The following CECR2 variants were observed in gnomAD, a reference collection of about 807,000 sequenced individuals.
CECR2 encodes chromatin remodeling regulator CECR2.
A neutral mutation model predicts 154.5 loss-of-function variants in CECR2; 30 were observed. The observed-to-expected ratio is 0.19, with a 90% confidence interval of 0.15 to 0.26. The LOEUF is 0.26. CECR2 is among the 10% of genes least tolerant of loss of function. The pLI, the probability that CECR2 is intolerant of heterozygous loss-of-function variation, is 1.00. For synonymous variants in CECR2, 725 were observed against 683.7 expected (o/e 1.06, Z -0.94); for missense variants, 1,743 against 1,829.3 (o/e 0.95, Z 0.86).
chr22:17,546,729 C>T (rs1053619008), intron 16 of CECR2, among the ~76,000 whole-genome samples: 2 of 151,784 alleles, frequency 1.3e-5, no homozygotes, highest in African/African-American at 4.8e-5. Context: ...CAACTGTCCT[C>T]CTAGAAAGAT....
chr22:17,529,857 C>A (rs1194709766), intron 9 of CECR2, among the ~76,000 whole-genome samples: 4 of 152,150 alleles, frequency 2.6e-5, no homozygotes, highest in African/African-American at 7.2e-5. Context: ...AAGATACTTA[C>A]AATAACCTTT....
intron 1 of CECR2, among the ~76,000 whole-genome samples, chr22:17,467,514 TGGC>T (rs1268193394): frequency 1.3e-5 from 2 of 152,130 alleles, no homozygotes; most frequent in Non-Finnish European, 2.9e-5. Flanking sequence ...CCGGGTGCGG[TGGC>T]TCACACCTGT....
In CECR2 at chr22:17,532,577, C is replaced by CA. The variant is rs201418728; in HGVS notation, c.1109-4524dup. Among the ~76,000 whole-genome samples, 599 of 150,930 alleles carry CA rather than the reference C, an allele frequency of 4.0e-3. 2 individuals carry two copies. Among genetic ancestry groups the CA allele is most frequent in the African/African-American group, 0.014 (568 of 41,080 alleles). On this transcript the variant is annotated intron_variant, in intron 9 of 18. Transcript: ENST00000262608. The stretch of plus-strand genomic sequence containing the variant: ...TTGTATTGTAAGGATTTAGTGTCTA[C>CA]AACGAAAAATACATAGGTATGTATA...
intron 1 of CECR2, among the ~76,000 whole-genome samples, chr22:17,453,136 G>A (rs556769608): frequency 1.2e-4 from 18 of 152,080 alleles, no homozygotes; most frequent in Admixed American, 2.6e-4. Context: ...AGGTCTTTTC[G>A]TGCAGGCTAT....
At chr22:17,424,088 A>T (rs1219619371) in intron 1 of CECR2, among the ~76,000 whole-genome samples, 1 of 152,122 alleles carries the variant, frequency 6.6e-6, no homozygotes, top group Admixed American at 6.6e-5. Context: ...TTTTTATATT[A>T]TGTTATCAGA....
At position 17,458,187 on chromosome 22, in the gene CECR2, C is replaced by G. The variant is rs886545889; in HGVS notation, c.127-19401C>G. Among the ~76,000 whole-genome samples, 3 of 152,048 alleles carry G rather than the reference C, an allele frequency of 2.0e-5. 1 individual carries two copies. The East Asian group carries it at 5.8e-4, about 29-fold the overall frequency. On this transcript the variant is annotated intron_variant, in intron 1 of 18. Coordinates refer to ENST00000262608, the MANE Select transcript of CECR2 (RefSeq NM_001290047.2). Reference sequence around the variant, plus strand: ...ATCCCAGCACTTGGGGAGGCTGAGGCGGGTGGATCACGAGATCAGGAGTTC... The same window carrying G: ...ATCCCAGCACTTGGGGAGGCTGAGGGGGGTGGATCACGAGATCAGGAGTTC...
intron 2 of CECR2, among the ~76,000 whole-genome samples, chr22:17,494,817 C>T (rs2055593589): frequency 1.3e-5 from 2 of 152,104 alleles, no homozygotes; most frequent in Admixed American, 6.6e-5. Flanking sequence ...GCCTCAGCCT[C>T]CTGAGTAGCT....
At chr22:17,472,904 G>A (rs1368950698) in intron 1 of CECR2, among the ~76,000 whole-genome samples, 3 of 152,162 alleles carry the variant, frequency 2.0e-5, no homozygotes, top group Non-Finnish European at 2.9e-5. Context: ...AGGACTTGCC[G>A]AAGTGCAGAA....
intron 16 of CECR2, among the ~76,000 whole-genome samples, chr22:17,544,276 A>G (rs539491721): frequency 6.6e-6 from 1 of 152,182 alleles, no homozygotes; most frequent in South Asian, 2.1e-4. Context: ...AGGCAGGCAG[A>G]TTACAAGGTC....
chr22:17,397,352 G>A (rs1365401441), intron 1 of CECR2, among the ~76,000 whole-genome samples: 3 of 151,942 alleles, frequency 2.0e-5, no homozygotes, highest in African/African-American at 4.8e-5. Flanking sequence ...GGCTGGTCTC[G>A]AACTCCTGAC....
At chr22:17,544,459 C>G (rs578007652) in intron 16 of CECR2, among the ~76,000 whole-genome samples, 1 of 141,332 alleles carries the variant, frequency 7.1e-6, no homozygotes, top group Non-Finnish European at 1.5e-5. Context: ...GATTGTGCCA[C>G]TGCACTCCGG....
At chr22:17,393,614 G>T (rs2146512214) in intron 1 of CECR2, among the ~76,000 whole-genome samples, 1 of 152,276 alleles carries the variant, frequency 6.6e-6, no homozygotes, top group East Asian at 1.9e-4. Context: ...ACTATTTTAT[G>T]TGCCCATCAG....
At chr22:17,422,575 T>G (rs1053660355) in intron 1 of CECR2, among the ~76,000 whole-genome samples, 1 of 152,224 alleles carries the variant, frequency 6.6e-6, no homozygotes, top group Admixed American at 6.5e-5. Context: ...TTAATTTGGA[T>G]AAATTTTCAG....
At chr22:17,441,792 C>CTAAA (rs1425194251) in intron 1 of CECR2, among the ~76,000 whole-genome samples, 1 of 152,162 alleles carries the variant, frequency 6.6e-6, no homozygotes, top group African/African-American at 2.4e-5. Flanking sequence ...AATTGTTTGG[C>CTAAA]TAAAGTCCTT....
chr22:17,421,610 G>A (rs1601329452), intron 1 of CECR2, among the ~76,000 whole-genome samples: 3 of 44,642 alleles, frequency 6.7e-5, no homozygotes, highest in Admixed American at 3.3e-4. Flanking sequence ...GCGAGACTCC[G>A]TCTCAAAAAA....
chr22:17,378,223 T>C (rs1411103975), intron 1 of CECR2, among the ~76,000 whole-genome samples: 1 of 151,234 alleles, frequency 6.6e-6, no homozygotes, highest in Non-Finnish European at 1.5e-5. Flanking sequence ...AACCTTGTGA[T>C]CCGCCCGCCT....
chr22:17,464,580 G>A lies in CECR2; in HGVS notation c.127-13008G>A, dbSNP rs141644764. Among the ~76,000 whole-genome samples the A allele has an allele frequency of 9.3e-3, 1,411 of 152,162 alleles. 23 individuals carry two copies. The highest frequency in any genetic ancestry group is 0.032 in the African/African-American group (1,343 of 41,504). On this transcript the variant is annotated intron_variant, in intron 1 of 18. Transcript: ENST00000262608. ...AGCGGCATGCTCATAGCTCACTGCA[G>A]CCACAAACTCCTGGGCTCCAGCAGT...
intron 1 of CECR2, among the ~76,000 whole-genome samples, chr22:17,387,905 A>G (rs1416865050): frequency 6.6e-6 from 1 of 151,868 alleles, no homozygotes; most frequent in Non-Finnish European, 1.5e-5. Context: ...GACTTCTGTT[A>G]GTATTACATT....
At chr22:17,500,995 GA>G in intron 5 of CECR2, among the ~76,000 whole-genome samples, 1 of 152,288 alleles carries the variant, frequency 6.6e-6, no homozygotes, top group Non-Finnish European at 1.5e-5. Context: ...TATTGAACAA[GA>G]CAGTTTTTTT....
Sources: allele counts gnomAD v4.1 joint callset (sites outside exome capture counted in the v4.1 genomes callset), GRCh38; gene constraint gnomAD v4.1.1; transcripts MANE v1.5; gene names NCBI Gene and HGNC (gene_info 2026-07-23, HGNC 2026-07-21).